The following DISP1 variants were observed in gnomAD, a reference collection of about 807,000 sequenced individuals.
The protein encoded by DISP1 is protein dispatched homolog 1.
A neutral mutation model predicts 37.3 loss-of-function variants in DISP1; 30 were observed. That is an observed-to-expected ratio of 0.80 (90% CI 0.60 to 1.09). DISP1 has a LOEUF of 1.09. Ranked by LOEUF, DISP1 falls within the 50% of genes least tolerant of loss-of-function variation. The pLI is 0.00. For synonymous variants in DISP1, 634 were observed against 690.2 expected (o/e 0.92, Z 1.28); for missense variants, 1,598 against 1,879.5 (o/e 0.85, Z 2.77).
At chr1:222,907,111 A>G (rs1158455133) in intron 1 of DISP1, among the ~76,000 whole-genome samples, 1 of 152,196 alleles carries the variant, frequency 6.6e-6, no homozygotes, top group Non-Finnish European at 1.5e-5. Context: ...GCAGAAAAGG[A>G]GAGCCTTCTA....
intron 3 of DISP1, among the ~76,000 whole-genome samples, chr1:222,963,561 T>C (rs925044174): frequency 2.0e-5 from 3 of 152,120 alleles, no homozygotes; most frequent in African/African-American, 7.2e-5. Context: ...GTGGTACATA[T>C]ACACCATGGA....
At chr1:222,853,060 T>C (rs1321544280) in intron 1 of DISP1, among the ~76,000 whole-genome samples, 1 of 152,188 alleles carries the variant, frequency 6.6e-6, no homozygotes, top group Non-Finnish European at 1.5e-5. Flanking sequence ...ATTAATTATT[T>C]CATAGAAAAA....
At chr1:222,990,951 C>A (rs1285902894) in intron 5 of DISP1, among the ~76,000 whole-genome samples, 2 of 152,172 alleles carry the variant, frequency 1.3e-5, no homozygotes, top group East Asian at 3.8e-4. Flanking sequence ...CCTCAAAAAT[C>A]TGGAAGGTTT....
chr1:222,849,760 TAAAG>T (rs1156917458), intron 1 of DISP1, among the ~76,000 whole-genome samples: 2 of 152,106 alleles, frequency 1.3e-5, no homozygotes, highest in Admixed American at 6.6e-5. Flanking sequence ...AAAACCCAAA[TAAAG>T]GTACCATTTT....
chr1:222,930,320 A>G (rs1451629738), intron 2 of DISP1, among the ~76,000 whole-genome samples: 3 of 152,154 alleles, frequency 2.0e-5, no homozygotes, highest in Non-Finnish European at 2.9e-5. Flanking sequence ...TTGAAAAAAT[A>G]CAATTCCTGA....
intron 1 of DISP1, among the ~76,000 whole-genome samples, chr1:222,871,510 T>C (rs75493908): frequency 4.6e-5 from 7 of 151,938 alleles, no homozygotes; most frequent in South Asian, 4.2e-4. Flanking sequence ...CCTTCACATC[T>C]CTTGTAAGTT....
intron 1 of DISP1, among the ~76,000 whole-genome samples, chr1:222,859,949 C>T (rs911869360): frequency 6.6e-6 from 1 of 152,170 alleles, no homozygotes; most frequent in East Asian, 1.9e-4. Flanking sequence ...ATTCTTGTAT[C>T]TTGTTGAGAA....
chr1:222,896,843 A>T (rs1467268123), intron 1 of DISP1, among the ~76,000 whole-genome samples: 1 of 152,216 alleles, frequency 6.6e-6, no homozygotes, highest in East Asian at 1.9e-4. Flanking sequence ...TAAAACCCAC[A>T]ATGAGATACC....
intron 1 of DISP1, among the ~76,000 whole-genome samples, chr1:222,860,235 G>C (rs538771704): frequency 6.6e-6 from 1 of 152,092 alleles, no homozygotes; most frequent in African/African-American, 2.4e-5. Flanking sequence ...TGTATCTTTA[G>C]TAGAGACAGG....
chr1:222,944,931 A>G (rs372197421), intron 3 of DISP1, among the ~76,000 whole-genome samples: 26 of 152,162 alleles, frequency 1.7e-4, no homozygotes, highest in African/African-American at 6.3e-4. Context: ...GAATCCCAAC[A>G]CTTCGGGAGG....
At chr1:222,847,602 AT>A (rs529588273) in intron 1 of DISP1, among the ~76,000 whole-genome samples, 2 of 151,462 alleles carry the variant, frequency 1.3e-5, no homozygotes, top group South Asian at 2.1e-4. Context: ...CCAATAGATT[AT>A]TTTTTTTTCT....
intron 4 of DISP1, among the ~76,000 whole-genome samples, chr1:222,985,549 C>A (rs769311688): frequency 6.6e-6 from 1 of 152,172 alleles, no homozygotes; most frequent in Admixed American, 6.5e-5. Context: ...ACTCAGGAGG[C>A]TGAGGCGGGA....
intron 2 of DISP1, among the ~76,000 whole-genome samples, chr1:222,929,986 G>A (rs1014092782): frequency 3.9e-5 from 6 of 152,112 alleles, no homozygotes; most frequent in Non-Finnish European, 8.8e-5. Context: ...AATGTGTAAT[G>A]TTTTAAGTGT....
At chr1:222,929,632 A>T (rs1324725219) in intron 2 of DISP1, among the ~76,000 whole-genome samples, 1 of 152,084 alleles carries the variant, frequency 6.6e-6, no homozygotes, top group African/African-American at 2.4e-5. Context: ...GAAATCACTA[A>T]ACTGTGTAAA....
At chr1:222,836,749 A>G (rs1452690578) in intron 1 of DISP1, among the ~76,000 whole-genome samples, 4 of 133,478 alleles carry the variant, frequency 3.0e-5, no homozygotes, top group African/African-American at 1.2e-4. Flanking sequence ...AAGAATATAT[A>G]TATATATATA....
chr1:222,973,058 A>C (rs1677069374), intron 3 of DISP1, among the ~76,000 whole-genome samples: 1 of 118,394 alleles, frequency 8.4e-6, no homozygotes, highest in Admixed American at 9.4e-5. Flanking sequence ...GTTTATGGAA[A>C]TGTATGATCT....
rs142003974 is a variant in DISP1 at position 222,903,912 on chromosome 1, T to A, written c.-158-24518T>A. On this transcript the variant is annotated intron_variant, in intron 1 of 8. Transcript: ENST00000675850. ...TGGGTGTTTCCTCAGAAGGAGGCAATAGAGTGCATAAACATCAAATTTGTG... is the reference window on the plus strand; with the variant it reads ...TGGGTGTTTCCTCAGAAGGAGGCAAAAGAGTGCATAAACATCAAATTTGTG... 3.3e-5 allele frequency among the ~76,000 whole-genome samples: 5 copies of A among 152,318 alleles called. No homozygotes were observed. The East Asian group carries it at 7.7e-4, about 23-fold the overall frequency.
intron 2 of DISP1, among the ~76,000 whole-genome samples, chr1:222,930,801 A>T (rs1385348750): frequency 6.6e-6 from 1 of 152,096 alleles, no homozygotes; most frequent in Non-Finnish European, 1.5e-5. Flanking sequence ...CCTTATTAAG[A>T]CTTAATTTAC....
At chr1:222,843,563 T>G (rs1368464837) in intron 1 of DISP1, among the ~76,000 whole-genome samples, 3 of 146,126 alleles carry the variant, frequency 2.1e-5, no homozygotes, top group African/African-American at 5.1e-5. Context: ...TAATGAAGGA[T>G]GGGGGGGGGA....
Sources: allele counts gnomAD v4.1 joint callset (sites outside exome capture counted in the v4.1 genomes callset), GRCh38; gene constraint gnomAD v4.1.1; transcripts MANE v1.5; gene names NCBI Gene and HGNC (gene_info 2026-07-23, HGNC 2026-07-21).